SLC25A36: variants seen among roughly 807,000 people sequenced by gnomAD.
The protein encoded by SLC25A36 is epididymis secretory sperm binding protein.
A neutral mutation model predicts 35.3 loss-of-function variants in SLC25A36; 24 were observed. The observed-to-expected ratio is 0.68, with a 90% CI of 0.49 to 0.96. The LOEUF is 0.96. Ranked by LOEUF, SLC25A36 falls within the 40% of genes least tolerant of loss-of-function variation. The pLI is 0.00. For synonymous variants in SLC25A36, 141 were observed against 132.2 expected (o/e 1.07, Z -0.46); for missense variants, 294 against 381.1 (o/e 0.77, Z 1.90).
chr3:140,954,980 A>C (rs1282862715), intron 1 of SLC25A36, among the ~76,000 whole-genome samples: 1 of 152,214 alleles, frequency 6.6e-6, no homozygotes, highest in East Asian at 1.9e-4. Flanking sequence ...TCATCATTTT[A>C]AACTTAGGTC....
chr3:140,953,306 C>T (rs1934378089), intron 1 of SLC25A36, among the ~76,000 whole-genome samples: 1 of 150,826 alleles, frequency 6.6e-6, no homozygotes, highest in Admixed American at 6.6e-5. Flanking sequence ...CTAAGTTCTA[C>T]TTAATTTTGT....
intron 1 of SLC25A36, 57 bp downstream of exon 1, chr3:140,942,152 A>AGGCGAGGGGGGCGAGGGG: frequency 4.9e-6 from 1 of 202,282 alleles, no homozygotes; most frequent in Non-Finnish European, 7.9e-6. Context: ...CCGAAGACGC[A>AGGCGAGGGGGGCGAGGGG]GGCGAGGGGG....
chr3:140,957,645 G>A (rs929681039), intron 2 of SLC25A36, among the ~76,000 whole-genome samples: 2 of 152,120 alleles, frequency 1.3e-5, no homozygotes, highest in Admixed American at 6.5e-5. Flanking sequence ...GGAGGCTGAG[G>A]CAGGAGAATC....
At chr3:140,946,461 C>G (rs1182063586) in intron 1 of SLC25A36, among the ~76,000 whole-genome samples, 1 of 152,156 alleles carries the variant, frequency 6.6e-6, no homozygotes, top group Non-Finnish European at 1.5e-5. Context: ...TAATTGGTCT[C>G]TGCTAGACTA....
At chr3:140,954,152 T>C (rs1471493242) in intron 1 of SLC25A36, among the ~76,000 whole-genome samples, 2 of 152,214 alleles carry the variant, frequency 1.3e-5, no homozygotes, top group African/African-American at 2.4e-5. Flanking sequence ...GGGGATAATT[T>C]TTTTAACGTC....
At position 140,969,767 on chromosome 3, in the gene SLC25A36, A is replaced by C. The variant is rs955879811; in HGVS notation, c.386-1160A>C. 2.6e-5 allele frequency among the ~76,000 whole-genome samples: 4 copies of C among 151,894 alleles called. No individual in the cohort carries two copies. In the South Asian group the frequency reaches 6.2e-4, roughly 24 times the overall value. ...TCTGTACTATATTAATTTAAAAACA[A>C]ATTATTCTTAAGTATATTGTAGCAT... is the stretch of plus-strand genomic sequence containing the variant. On this transcript the variant is annotated intron_variant, in intron 4 of 6. Coordinates refer to ENST00000324194, the MANE Select transcript of SLC25A36 (RefSeq NM_001104647.3).
chr3:140,961,626 C>A (rs777363770), intron 3 of SLC25A36, among the ~76,000 whole-genome samples: 1 of 151,728 alleles, frequency 6.6e-6, no homozygotes, highest in Non-Finnish European at 1.5e-5. Flanking sequence ...GAGGCCAAGG[C>A]GGGTGGATCA....
At chr3:140,974,283 T>C (rs1576489565) in intron 6 of SLC25A36, among the ~76,000 whole-genome samples, 1 of 151,992 alleles carries the variant, frequency 6.6e-6, no homozygotes, top group Non-Finnish European at 1.5e-5. Flanking sequence ...TTTCTAAGTT[T>C]TGAAAAAAGT....
At chr3:140,957,046 G>A (rs1934498151) in intron 2 of SLC25A36, 1 of 160,322 alleles carries the variant, frequency 6.2e-6, no homozygotes, top group Non-Finnish European at 1.3e-5. Context: ...AATGTTCCAA[G>A]TAAGTACATC....
intron 4 of SLC25A36, chr3:140,963,744 T>C (rs1934690990): frequency 6.5e-6 from 1 of 153,532 alleles, no homozygotes; most frequent in African/African-American, 2.4e-5. Context: ...TGTTTATTAT[T>C]CTACATAATT....
intron 1 of SLC25A36, among the ~76,000 whole-genome samples, chr3:140,943,190 C>G (rs1934066502): frequency 6.6e-6 from 1 of 152,168 alleles, no homozygotes; most frequent in South Asian, 2.1e-4. Context: ...GTGAATTATG[C>G]TGAGACTCTT....
intron 1 of SLC25A36, 119 bp from the exon 2 acceptor site, chr3:140,956,408 T>C: frequency 1.7e-6 from 2 of 1,209,374 alleles, no homozygotes; most frequent in Non-Finnish European, 2.1e-6. Flanking sequence ...ACATTAAAAA[T>C]TATAAATTTT....
rs1000986793 is a variant in SLC25A36 at position 140,963,015 on chromosome 3, T to C, written c.285-112T>C. On this transcript the variant is annotated intron_variant, in intron 3 of 6. Coordinates refer to ENST00000324194, the MANE Select transcript of SLC25A36 (RefSeq NM_001104647.3). ...ATCTAATGTTACATGAGAATGTGGC[T>C]AGGACTTTATGGTTTTTAAATTTCT... 3 of 596,488 alleles carry C rather than the reference T, an allele frequency of 5.0e-6. No homozygotes were observed. The African/African-American group carries it at 5.9e-5, about 12-fold the overall frequency. 36.9% of individuals were successfully genotyped at this position (596,488 alleles called of 1,614,324 possible). A position where few individuals can be genotyped will look rare whatever the true frequency, so the allele number is the denominator to read the frequency against.
At position 140,976,409 on chromosome 3, in the gene SLC25A36, A is replaced by T; in HGVS notation, c.892A>T (p.Met298Leu). 6.2e-7 allele frequency: 1 copy of T among 1,613,784 alleles called. No homozygotes were observed. Among genetic ancestry groups the T allele is most frequent in the Non-Finnish European group, 8.5e-7 (1 of 1,179,862 alleles). Residue 298 changes from methionine (M) to leucine (L), a missense_variant, in exon 7 of 7, where the codon ATG becomes TTG. By Grantham distance (15) the Met-to-Leu change is conservative (BLOSUM62 2). Around this residue, in one of 2 missense-constraint regions of SLC25A36, gnomAD observed 109 missense variants for 179.7 expected, o/e 0.61. Transcript: ENST00000324194. ...GAGACAGATTCCAAACACAGCCATTATGATGGCCACCTATGAATTGGTGGT... is the reference window on the plus strand; with the variant it reads ...GAGACAGATTCCAAACACAGCCATTTTGATGGCCACCTATGAATTGGTGGT... ...LVRQIPNTAI[M>L]MATYELVVYL...
chr3:140,942,071 C>T lies in SLC25A36; in HGVS notation c.17C>T (p.Thr6Met), dbSNP rs757985146. 1.3e-6 allele frequency: 2 copies of T among 1,492,280 alleles called. No homozygotes were observed. Among genetic ancestry groups the T allele is most frequent in the South Asian group, 1.2e-5 (1 of 80,766 alleles). 92.4% of individuals were successfully genotyped at this position (1,492,280 alleles called of 1,614,324 possible). A position where few individuals can be genotyped will look rare whatever the true frequency, so the allele number is the denominator to read the frequency against. Residue 6 changes from threonine to methionine, a missense_variant, in exon 1 of 7, where the codon ACG (threonine) becomes ATG (methionine). Thr to Met is a moderately conservative substitution (Grantham distance 81). Transcript: ENST00000324194. Reference protein sequence around the residue: MSQRDTLVHLFAGGCG... With the variant: MSQRDMLVHLFAGGCG... Reference sequence around the variant, plus strand: ...GGAGAGAGAATGAGCCAGAGGGACACGCTGGTGCATCTGTTTGCCGGAGGG... The same window carrying T: ...GGAGAGAGAATGAGCCAGAGGGACATGCTGGTGCATCTGTTTGCCGGAGGG...
At chr3:140,951,906 T>C (rs562392086) in intron 1 of SLC25A36, among the ~76,000 whole-genome samples, 2 of 152,222 alleles carry the variant, frequency 1.3e-5, no homozygotes, top group African/African-American at 4.8e-5. Context: ...CAATCACAGC[T>C]CACTAAAGCC....
rs1359352600 is a variant in SLC25A36, at chr3:140,980,701, C to A, written c.*4248C>A. Among the ~76,000 whole-genome samples the A allele has an allele frequency of 1.9e-5, 1 of 53,160 alleles. No individual in the cohort carries two copies. Among genetic ancestry groups the A allele is most frequent in the African/African-American group, 3.6e-5 (1 of 28,134 alleles). 34.9% of individuals were successfully genotyped at this position (53,160 alleles called of 152,430 possible). On this transcript the variant is annotated 3_prime_UTR_variant, in exon 7 of 7. Coordinates refer to ENST00000324194, the MANE Select transcript of SLC25A36 (RefSeq NM_001104647.3). Reference sequence around the variant, plus strand: ...TAATTAAATGTTCCCCCTGCCCCCCCCCCCTTTTAATATATATACACGGAG... The same window carrying A: ...TAATTAAATGTTCCCCCTGCCCCCCACCCCTTTTAATATATATACACGGAG...
chr3:140,954,945 T>G (rs1273398807), intron 1 of SLC25A36, among the ~76,000 whole-genome samples: 1 of 152,096 alleles, frequency 6.6e-6, no homozygotes, highest in Non-Finnish European at 1.5e-5. Flanking sequence ...TTTCCAGATG[T>G]TTTTTTCCTA....
chr3:140,975,703 TA>T (rs1444029559), intron 6 of SLC25A36, among the ~76,000 whole-genome samples: 1 of 152,232 alleles, frequency 6.6e-6, no homozygotes, highest in Non-Finnish European at 1.5e-5. Context: ...ATTCAGCTCT[TA>T]AAAATTTATT....
Sources: gnomAD v4.1 joint callset for allele counts (sites outside exome capture counted in the v4.1 genomes callset) on GRCh38, gnomAD v4.1.1 for gene constraint, gnomAD v4.1.1 regional missense constraint, MANE v1.5 for transcripts, NCBI Gene and HGNC (gene_info 2026-07-23, HGNC 2026-07-21) for gene names.